DYNLL1: variants seen among roughly 807,000 people sequenced by gnomAD.
DYNLL1 encodes dynein light chain LC8-type 1.
In DYNLL1, 3 loss-of-function variants were observed where a neutral mutation model predicts 10.1. The ratio of observed to expected loss-of-function variants is 0.30; its 90% CI spans 0.14 to 0.77. The LOEUF (loss-of-function observed/expected upper bound fraction) is 0.77, where lower values mean the gene tolerates loss of function less well. Among genes scored for constraint, DYNLL1 ranks in the 30% least tolerant of loss-of-function variants. The pLI is 0.66. For synonymous variants in DYNLL1, 46 were observed against 41.2 expected (o/e 1.12, Z -0.45); for missense variants, 47 against 111.7 (o/e 0.42, Z 2.61).
chr12:120,479,832 G>T (rs1266305058), intron 1 of DYNLL1, among the ~76,000 whole-genome samples: 1 of 152,190 alleles, frequency 6.6e-6, no homozygotes, highest in Non-Finnish European at 1.5e-5. Context: ...TACTTACAGT[G>T]AGATGCCCTA....
chr12:120,482,823 C>A (rs1878910783), intron 1 of DYNLL1, among the ~76,000 whole-genome samples: 1 of 152,066 alleles, frequency 6.6e-6, no homozygotes, highest in South Asian at 2.1e-4. Context: ...CAGCCCAGGC[C>A]AGACATGGGC....
intron 1 of DYNLL1, among the ~76,000 whole-genome samples, chr12:120,488,930 GAA>G (rs986966827): frequency 5.9e-5 from 9 of 151,878 alleles, no homozygotes; most frequent in Non-Finnish European, 1.0e-4. Flanking sequence ...AGAAAAAAGA[GAA>G]AAAAAGGACT....
intron 1 of DYNLL1, among the ~76,000 whole-genome samples, chr12:120,476,597 G>A (rs1194747964): frequency 6.6e-6 from 1 of 152,098 alleles, no homozygotes. Flanking sequence ...GAAGGACAGC[G>A]GATGTTTGGG....
chr12:120,483,737 A>C (rs1384190571), intron 1 of DYNLL1, among the ~76,000 whole-genome samples: 2 of 152,030 alleles, frequency 1.3e-5, no homozygotes, highest in Admixed American at 1.3e-4. Flanking sequence ...GAAAATGGAG[A>C]CTCCCAAGAG....
intron 1 of DYNLL1, among the ~76,000 whole-genome samples, chr12:120,483,416 C>A (rs546411376): frequency 4.0e-4 from 61 of 151,872 alleles, no homozygotes; most frequent in African/African-American, 1.4e-3. Flanking sequence ...AATTTAAGCT[C>A]ATTAATGTGC....
Position 120,481,619 on chromosome 12 carries a change from A to G in DYNLL1, c.-7+11515A>G, listed in dbSNP as rs115759478. On this transcript the variant is annotated intron_variant, in intron 1 of 2. Transcript: ENST00000392509. ...GCACAGCAGGAGGAGGTGGGAACAG[A>G]GCTTCCATGTCCTCTCCAGGTGCAC... Among the ~76,000 whole-genome samples the G allele has an allele frequency of 4.8e-3, 730 of 152,264 alleles. 7 individuals are homozygous for G. Among genetic ancestry groups the G allele is most frequent in the African/African-American group, 0.017 (712 of 41,572 alleles).
chr12:120,481,138 G>A (rs570040450), intron 1 of DYNLL1, among the ~76,000 whole-genome samples: 16 of 152,200 alleles, frequency 1.1e-4, no homozygotes, highest in Non-Finnish European at 1.9e-4. Flanking sequence ...ATAACACTGT[G>A]CTAATACCAG....
intron 1 of DYNLL1, among the ~76,000 whole-genome samples, chr12:120,475,240 A>G (rs1264907590): frequency 1.3e-5 from 2 of 152,268 alleles, no homozygotes; most frequent in African/African-American, 4.8e-5. Flanking sequence ...AGGTGGGAAC[A>G]CAAGGGCTTG....
chr12:120,485,839 T>TA (rs749971979), intron 1 of DYNLL1, among the ~76,000 whole-genome samples: 8,261 of 76,084 alleles, frequency 0.11, 697 homozygotes, highest in African/African-American at 0.22. Context: ...AGTCCCTGTC[T>TA]AAAAAAAAAA....
At chr12:120,496,056 G>A (rs1230473719), upstream of DYNLL1, 3 of 371,634 alleles carry the variant, frequency 8.1e-6, no homozygotes, top group Non-Finnish European at 1.5e-5. Flanking sequence ...GGGCGGGGCC[G>A]GCGGGAGCAG....
At chr12:120,472,840 T>C (rs1878679617) in intron 1 of DYNLL1, among the ~76,000 whole-genome samples, 1 of 152,200 alleles carries the variant, frequency 6.6e-6, no homozygotes, top group Non-Finnish European at 1.5e-5. Flanking sequence ...AGGAGGCATT[T>C]ATGATCATCC....
chr12:120,482,815 G>C (rs1216085596), intron 1 of DYNLL1, among the ~76,000 whole-genome samples: 1 of 152,132 alleles, frequency 6.6e-6, no homozygotes, highest in Non-Finnish European at 1.5e-5. Context: ...AGAATAGACA[G>C]CCCAGGCCAG....
exon 1 of DYNLL1, chr12:120,470,058 C>T (rs983706022): frequency 6.5e-6 from 1 of 153,386 alleles, no homozygotes; most frequent in African/African-American, 2.4e-5. Flanking sequence ...AGGCGGAGAC[C>T]GCAGGCTGAC....
At position 120,490,329 on chromosome 12, in the gene DYNLL1, C is replaced by T. The variant is rs1879096665; in HGVS notation, c.-6-6087C>T. 2.0e-5 allele frequency: 3 copies of T among 152,180 alleles called. 1 individual carries two copies. Among genetic ancestry groups the T allele is most frequent in the African/African-American group, 7.2e-5 (3 of 41,438 alleles). 9.4% of individuals were successfully genotyped at this position (152,180 alleles called of 1,614,324 possible). A position where few individuals can be genotyped will look rare whatever the true frequency, so the allele number is the denominator to read the frequency against. Reference sequence around the variant, plus strand: ...CTTGATGCCAGAAATCAGATACCAACTACCTATTTTCTTGTTTGGAGCCCT... The same window carrying T: ...CTTGATGCCAGAAATCAGATACCAATTACCTATTTTCTTGTTTGGAGCCCT... On this transcript the variant is annotated intron_variant, in intron 1 of 2. Coordinates refer to the DYNLL1 transcript ENST00000392509.
chr12:120,496,619 T>C (rs1442961262), intron 2 of DYNLL1, 66 bp downstream of exon 2: 5 of 1,613,366 alleles, frequency 3.1e-6, no homozygotes, highest in Non-Finnish European at 4.2e-6. Flanking sequence ...CGATCCTGCT[T>C]TCCTAAGGGC....
intron 2 of DYNLL1, 151 bp downstream of exon 2, chr12:120,496,704 C>A (rs1334352120): frequency 1.6e-6 from 2 of 1,272,936 alleles, no homozygotes; most frequent in Admixed American, 2.1e-5. Context: ...ATGCATTTTG[C>A]GCTCCTGTGG....
chr12:120,487,253 G>A (rs866020451), intron 1 of DYNLL1, among the ~76,000 whole-genome samples: 6 of 125,658 alleles, frequency 4.8e-5, no homozygotes, highest in Admixed American at 2.8e-4. Flanking sequence ...GATTACAGGC[G>A]TAAGCCACCG....
chr12:120,473,239 AG>A (rs1878686943), intron 1 of DYNLL1, among the ~76,000 whole-genome samples: 1 of 152,140 alleles, frequency 6.6e-6, no homozygotes, highest in African/African-American at 2.4e-5. Flanking sequence ...GGAGTTAACC[AG>A]GGGGAAGAGG....
At chr12:120,496,645 G>C (rs779616436) in intron 2 of DYNLL1, 92 bp downstream of exon 2, 2 of 1,608,066 alleles carry the variant, frequency 1.2e-6, no homozygotes, top group Non-Finnish European at 1.7e-6. Flanking sequence ...ACAGGTCCCG[G>C]GAATACTGCT....
Sources: allele counts gnomAD v4.1 joint callset (sites outside exome capture counted in the v4.1 genomes callset), GRCh38; gene constraint gnomAD v4.1.1; transcripts MANE v1.5; gene names NCBI Gene and HGNC (gene_info 2026-07-23, HGNC 2026-07-21).